Variants in LCA5 observed in about 807,000 individuals in gnomAD.
LCA5 encodes lebercilin.
In LCA5, 37 loss-of-function variants were observed where a neutral mutation model predicts 53.0. That is an observed-to-expected ratio of 0.70 (90% CI 0.54 to 0.92). The LOEUF (loss-of-function observed/expected upper bound fraction) is 0.92. Ranked by LOEUF, LCA5 falls within the 40% of genes least tolerant of loss-of-function variation. LCA5 has a pLI of 0.00. For synonymous variants in LCA5, 303 were observed against 282.9 expected, an observed-to-expected ratio of 1.07 and a Z score of -0.71; for missense variants, 806 against 790.5, an observed-to-expected ratio of 1.02 and a Z score of -0.23.
intron 1 of LCA5, among the ~76,000 whole-genome samples, chr6:79,533,939 T>C (rs1287425067): frequency 1.3e-5 from 2 of 151,608 alleles, no homozygotes; most frequent in African/African-American, 4.8e-5. Flanking sequence ...GCAAATAAAA[T>C]GTAAATAAAC....
Position 79,494,727 on chromosome 6 carries a change from G to A in LCA5, c.721-977C>T, listed in dbSNP as rs571432176. On this transcript the variant is annotated intron_variant, in intron 3 of 7. Transcript: ENST00000369846. ...CAATCTTTTTCAATGGAATAGTATC[G>A]TACTTTACAGATTATCAAAATTTAA... Among the ~76,000 whole-genome samples the A allele has an allele frequency of 6.5e-4, 99 of 152,130 alleles. No homozygotes were observed. In the South Asian group the frequency reaches 0.011, roughly 17 times the overall value.
intron 1 of LCA5, among the ~76,000 whole-genome samples, chr6:79,526,313 G>A (rs1185185141): frequency 2.6e-5 from 4 of 152,084 alleles, no homozygotes; most frequent in Admixed American, 1.3e-4. Flanking sequence ...GGAGGCCGAC[G>A]CGGGTGGATC....
At chr6:79,500,146 G>A (rs145889690) in intron 3 of LCA5, among the ~76,000 whole-genome samples, 1,579 of 152,012 alleles carry the variant, frequency 0.01, 34 homozygotes, top group African/African-American at 0.037. Context: ...GAATAGTGCC[G>A]CAGTAAACAT....
At chr6:79,509,980 T>C (rs745562612) in intron 3 of LCA5, among the ~76,000 whole-genome samples, 27 of 152,196 alleles carry the variant, frequency 1.8e-4, no homozygotes, top group Non-Finnish European at 3.8e-4. Flanking sequence ...AAGATGTTTG[T>C]AGATGTAGAC....
At chr6:79,497,897 C>T (rs1055179246) in intron 3 of LCA5, among the ~76,000 whole-genome samples, 2 of 145,892 alleles carry the variant, frequency 1.4e-5, no homozygotes, top group African/African-American at 5.2e-5. Context: ...CGCTTGAACC[C>T]GGGAGGTGGA....
At chr6:79,531,452 A>G (rs1766957279) in intron 1 of LCA5, among the ~76,000 whole-genome samples, 1 of 151,880 alleles carries the variant, frequency 6.6e-6, no homozygotes, top group South Asian at 2.1e-4. Context: ...CTCCACTCCA[A>G]TTTTCCAATA....
chr6:79,525,169 C>T (rs1017888565), intron 1 of LCA5: 1 of 152,074 alleles, frequency 6.6e-6, no homozygotes, highest in Non-Finnish European at 1.5e-5. Context: ...ATTACCTCTG[C>T]TTCATGTAGT....
chr6:79,494,316 G>A lies in LCA5; in HGVS notation c.721-566C>T, dbSNP rs114044618. The stretch of plus-strand genomic sequence containing the variant: ...GATAAAATTACACAGCACTACCAAA[G>A]CTGCGGAGAGTACCTAGAGTAAAAC... On this transcript the variant is annotated intron_variant, in intron 3 of 7. Coordinates refer to ENST00000369846, the MANE Select transcript of LCA5 (RefSeq NM_001122769.3). 4.4e-3 allele frequency among the ~76,000 whole-genome samples: 674 copies of A among 152,088 alleles called. 8 individuals are homozygous for A. The highest frequency in any genetic ancestry group is 0.016 in the African/African-American group (650 of 41,520).
In LCA5 at chr6:79,493,676, A is replaced by C. The variant is rs1453987164; in HGVS notation, c.795T>G (p.Tyr265Ter). The change falls in exon 4 of 8, where the codon TAT (tyrosine) becomes TAG (stop). Residue 265 changes from tyrosine to a stop codon, truncating the protein, a stop_gained. Coordinates refer to ENST00000369846, the MANE Select transcript of LCA5 (RefSeq NM_001122769.3). LOFTEE classifies it high-confidence loss of function. ...GAACTTTATTTTCATCATGAGCCTC[A>C]TATGCCCTTTTCCTTTCAGCAAGCA... ...RQLLAERKRAYEAHDENKVLQ... is the reference protein window; with the variant it reads ...RQLLAERKRA 2.5e-6 allele frequency: 4 copies of C among 1,613,564 alleles called. No individual in the cohort carries two copies. The East Asian group carries it at 8.9e-5, about 36-fold the overall frequency.
At chr6:79,514,947 C>G (rs1448606548) in intron 2 of LCA5, among the ~76,000 whole-genome samples, 1 of 151,864 alleles carries the variant, frequency 6.6e-6, no homozygotes, top group Non-Finnish European at 1.5e-5. Context: ...ATGATTCATA[C>G]AACAAACCCC....
At chr6:79,500,634 T>C (rs1014434148) in intron 3 of LCA5, among the ~76,000 whole-genome samples, 3 of 152,138 alleles carry the variant, frequency 2.0e-5, no homozygotes, top group Non-Finnish European at 4.4e-5. Flanking sequence ...GCACAAATAC[T>C]TCAGGAAGCA....
At chr6:79,496,035 A>T (rs1769974907) in intron 3 of LCA5, among the ~76,000 whole-genome samples, 2 of 152,230 alleles carry the variant, frequency 1.3e-5, no homozygotes, top group Non-Finnish European at 2.9e-5. Flanking sequence ...ATGTAAACAG[A>T]TAATTCACCA....
At chr6:79,494,321 G>A (rs891681531) in intron 3 of LCA5, among the ~76,000 whole-genome samples, 3 of 152,146 alleles carry the variant, frequency 2.0e-5, no homozygotes, top group East Asian at 1.9e-4. Flanking sequence ...CCAAAGCTGC[G>A]GAGAGTACCT....
chr6:79,532,178 G>T (rs910405535), intron 1 of LCA5, among the ~76,000 whole-genome samples: 1 of 152,062 alleles, frequency 6.6e-6, no homozygotes, highest in African/African-American at 2.4e-5. Context: ...TGTAAAACAA[G>T]ACACTTTAAT....
intron 1 of LCA5, among the ~76,000 whole-genome samples, chr6:79,524,160 C>T (rs931998268): frequency 2.6e-5 from 4 of 152,136 alleles, no homozygotes; most frequent in Admixed American, 2.0e-4. Context: ...ACATTTTCCT[C>T]GAATTTCCTA....
chr6:79,502,299 C>T (rs1770162614), intron 3 of LCA5, among the ~76,000 whole-genome samples: 1 of 152,168 alleles, frequency 6.6e-6, no homozygotes, highest in South Asian at 2.1e-4. Flanking sequence ...ACTATTTCTT[C>T]ATCTGCTTTG....
In LCA5 at chr6:79,487,454, A is replaced by G. The variant is rs1469142719; in HGVS notation, c.1644T>C (p.Pro548=). 6.2e-7 allele frequency: 1 copy of G among 1,613,924 alleles called. No homozygotes were observed. Among genetic ancestry groups the G allele is most frequent in the African/African-American group, 1.3e-5 (1 of 74,924 alleles). ...NSGNVRSPAS[P]NEFAFGSYVP... ...CGTAGCTACCAAATGCGAACTCATTAGGGGAGGCTGGACTTCTAACATTTC... is the reference window on the plus strand; with the variant it reads ...CGTAGCTACCAAATGCGAACTCATTGGGGGAGGCTGGACTTCTAACATTTC... Residue 548 remains proline (P), a synonymous_variant, in exon 8 of 8, where the codon CCT becomes CCC. Transcript: ENST00000369846.
rs900980105 is a variant in LCA5, at chr6:79,513,680, G to T, written c.252C>A (p.Arg84=). ...GTGGCTCTCTATTGAGGCTCTGGGA[G>T]CGAAATCCCACTCGGACTCCCTTTC... ...PNRKGVRVGF[R]SQSLNREPLR... The change falls in exon 3 of 8, where the codon CGC becomes CGA. Residue 84 remains arginine (R), a synonymous_variant. Coordinates refer to ENST00000369846, the MANE Select transcript of LCA5 (RefSeq NM_001122769.3). 2.5e-6 allele frequency: 4 copies of T among 1,613,794 alleles called. No homozygotes were observed. The highest frequency in any genetic ancestry group is 1.3e-5 in the African/African-American group (1 of 75,000).
At chr6:79,494,526 A>C (rs1208897148) in intron 3 of LCA5, among the ~76,000 whole-genome samples, 1 of 152,078 alleles carries the variant, frequency 6.6e-6, no homozygotes, top group Admixed American at 6.5e-5. Flanking sequence ...AAATATAATA[A>C]ATGTTTATTA....
Sources: gnomAD v4.1 joint callset for allele counts (sites outside exome capture counted in the v4.1 genomes callset) on GRCh38, gnomAD v4.1.1 for gene constraint, MANE v1.5 for transcripts, NCBI Gene and HGNC (gene_info 2026-07-23, HGNC 2026-07-21) for gene names.